ANKRD24: variants seen among roughly 807,000 people sequenced by gnomAD.
ANKRD24 encodes ankyrin repeat domain 24.
A neutral mutation model predicts 127.8 loss-of-function variants in ANKRD24; 109 were observed. The observed-to-expected ratio is 0.85, with a 90% CI of 0.73 to 1.00. ANKRD24 has a LOEUF of 1.00. Among genes scored for constraint, ANKRD24 ranks in the 50% least tolerant of loss-of-function variants. ANKRD24 has a pLI of 0.00. For missense variants in ANKRD24, 1,648 were observed against 1,570.2 expected (o/e 1.05, Z -0.84); for synonymous variants, 743 against 671.1 (o/e 1.11, Z -1.66).
rs1970638938 is a variant in ANKRD24 at position 4,224,577 on chromosome 19, G to A, written c.*72G>A. On this transcript the variant is annotated 3_prime_UTR_variant, in exon 22 of 22. Coordinates refer to ENST00000318934, the MANE Select transcript of ANKRD24 (RefSeq NM_001393985.1). Reference sequence around the variant, plus strand: ...CTCACCCCCCTGCAGGCCCCTTGCAGACCGGCTTCACTTGGCTTCACTTGG... The same window carrying A: ...CTCACCCCCCTGCAGGCCCCTTGCAAACCGGCTTCACTTGGCTTCACTTGG... The A allele has an allele frequency of 7.7e-5, 111 of 1,439,742 alleles. 1 individual carries two copies. The South Asian group carries it at 1.3e-3, about 17-fold the overall frequency. 89.2% of individuals were successfully genotyped at this position (1,439,742 alleles called of 1,614,324 possible).
In ANKRD24 at chr19:4,216,942, C is replaced by T. The variant is rs376986562; in HGVS notation, c.1782C>T (p.Ala594=). 46 of 1,611,372 alleles carry T rather than the reference C, an allele frequency of 2.9e-5. No individual in the cohort carries two copies. The highest frequency in any genetic ancestry group is 4.0e-5 in the African/African-American group (3 of 74,758). Residue 594 remains alanine (A), a synonymous_variant, in exon 18 of 22, where the codon GCC becomes GCT. Transcript: ENST00000318934. ...CCACGGGAGCTGAGGCCACAGGAGC[C>T]AAGGTCACAGAAACAAAACCCACAG... ...AEATGAEATG[A]KVTETKPTGA...
At chr19:4,209,998 G>T in intron 11 of ANKRD24, 60 bp from the exon 12 acceptor site, 1 of 1,034,992 alleles carries the variant, frequency 9.7e-7, no homozygotes, top group South Asian at 1.4e-5. Flanking sequence ...GTTTACTGTG[G>T]GGGAGGCTGG....
At chr19:4,183,422 A>C in intron 1 of ANKRD24, 2 of 887,516 alleles carry the variant, frequency 2.3e-6, no homozygotes, top group Non-Finnish European at 2.7e-6. Context: ...ACTGGAGAGC[A>C]AAGGTGGTAC....
chr19:4,203,017 G>GACCCCGAAGCCCAGAGGGTGCTAGA, intron 7 of ANKRD24, 91 bp downstream of exon 7: 1 of 1,056,590 alleles, frequency 9.5e-7, no homozygotes, highest in Non-Finnish European at 1.3e-6. Context: ...GACCTGACCT[G>GACCCCGAAGCCCAGAGGGTGCTAGA]CTGTGAAGCT....
chr19:4,199,986 G>A lies in ANKRD24; in HGVS notation c.235G>A (p.Asp79Asn). Residue 79 changes from aspartate to asparagine, a missense_variant, in exon 4 of 22, where the codon GAC becomes AAC. By Grantham distance (23) the Asp-to-Asn change is conservative. Coordinates refer to ENST00000318934, the MANE Select transcript of ANKRD24 (RefSeq NM_001393985.1). The surrounding 1 kb of genome is among the most constrained non-coding windows in gnomAD (Gnocchi z 5.2). The part of the protein sequence containing the change: ...ARKGLVPTKL[D>N]PEGKSAFHLA... ...CAAGGGGCTGGTGCCCACGAAGCTA[G>A]ACCCCGAGGGCAAGTCCGCGTGAGT... 1 of 1,564,868 alleles carries A rather than the reference G, an allele frequency of 6.4e-7. No individual in the cohort carries two copies. Among genetic ancestry groups the A allele is most frequent in the Non-Finnish European group, 8.7e-7 (1 of 1,154,514 alleles).
intron 17 of ANKRD24, 59 bp downstream of exon 17, chr19:4,216,461 G>C: frequency 1.3e-6 from 2 of 1,555,478 alleles, no homozygotes; most frequent in Non-Finnish European, 8.7e-7. Flanking sequence ...CCTGAGGTCA[G>C]GGTGGGCAGG....
In ANKRD24 at chr19:4,216,984, A is replaced by C. The variant is rs771121795; in HGVS notation, c.1824A>C (p.Glu608Asp). The change falls in exon 18 of 22, where the codon GAA becomes GAC. Residue 608 changes from glutamate (E) to aspartate (D), a missense_variant. Transcript: ENST00000318934. ...AACCCACAGGGGCTGAGGTCAGAGA[A>C]ATGGAGACCACAGAAGAAGAAGCAA... Reference protein sequence around the residue: ...ETKPTGAEVREMETTEEEANM... With the variant: ...ETKPTGAEVRDMETTEEEANM... The C allele has an allele frequency of 1.6e-5, 26 of 1,613,170 alleles. No individual in the cohort carries two copies. In the Admixed American group the frequency reaches 2.3e-4, roughly 15 times the overall value.
intron 13 of ANKRD24, among the ~76,000 whole-genome samples, chr19:4,210,887 GC>G (rs1241962795): frequency 2.6e-5 from 4 of 151,400 alleles, no homozygotes; most frequent in African/African-American, 9.7e-5. Flanking sequence ...AGGCTAGAAT[GC>G]AATGGTACGA....
intron 1 of ANKRD24, among the ~76,000 whole-genome samples, chr19:4,184,422 G>A (rs147938390): frequency 1.7e-3 from 252 of 152,300 alleles, no homozygotes; most frequent in African/African-American, 5.9e-3. Flanking sequence ...GCCAGGCTGC[G>A]GAGCTACCCA....
rs762399811 is a variant in ANKRD24, at chr19:4,207,454, C to T, written c.538-47C>T. Reference sequence around the variant, plus strand: ...CAGTTATATAGGCTTCTGCACCTCCCGGGGGTCAGTTTCTCATGCCATCGC... The same window carrying T: ...CAGTTATATAGGCTTCTGCACCTCCTGGGGGTCAGTTTCTCATGCCATCGC... On this transcript the variant is annotated intron_variant, in intron 8 of 21. Transcript: ENST00000318934. 1.3e-5 allele frequency: 21 copies of T among 1,593,478 alleles called. 1 individual carries two copies. In the South Asian group the frequency reaches 1.3e-4, roughly 10 times the overall value.
intron 15 of ANKRD24, among the ~76,000 whole-genome samples, chr19:4,213,227 TTCCTTCCC>T (rs1421038978): frequency 9.6e-5 from 9 of 94,098 alleles, no homozygotes; most frequent in African/African-American, 3.8e-4. Context: ...TTCTCCTTCC[TTCCTTCCC>T]TCCCTCCTTC....
In ANKRD24 at chr19:4,217,414, G is replaced by A; in HGVS notation, c.2254G>A (p.Gly752Arg). Reference protein sequence around the residue: ...EAAAELEAALGKCEAAEAEAG... With the variant: ...EAAAELEAALRKCEAAEAEAG... ...AGCTGCGGAGCTGGAGGCGGCCCTG[G>A]GGAAGTGCGAGGCCGCGGAGGCCGA... Residue 752 changes from glycine to arginine, a missense_variant, in exon 18 of 22, where the codon GGG (glycine) becomes AGG (arginine). Transcript: ENST00000318934. 2 of 1,548,800 alleles carry A rather than the reference G, an allele frequency of 1.3e-6. No individual in the cohort carries two copies. The highest frequency in any genetic ancestry group is 1.7e-6 in the Non-Finnish European group (2 of 1,146,476).
Position 4,200,004 on chromosome 19 carries a change from G to T in ANKRD24, c.253G>T (p.Ala85Ser). 1 of 1,563,918 alleles carries T rather than the reference G, an allele frequency of 6.4e-7. No individual in the cohort carries two copies. The highest frequency in any genetic ancestry group is 8.7e-7 in the Non-Finnish European group (1 of 1,152,956). Reference protein sequence around the residue: ...PTKLDPEGKSAFHLAAMRGAA... With the variant: ...PTKLDPEGKSSFHLAAMRGAA... The stretch of plus-strand genomic sequence containing the variant: ...GAAGCTAGACCCCGAGGGCAAGTCC[G>T]CGTGAGTGCCCGCGACCCGGGAGTG... Residue 85 changes from alanine to serine, a missense_variant and splice_region_variant, in exon 4 of 22, where the codon GCG becomes TCG. By Grantham distance (99) the Ala-to-Ser change is moderately conservative (BLOSUM62 1). Transcript: ENST00000318934.
At chr19:4,209,966 A>G (rs1018334027) in intron 11 of ANKRD24, 92 bp from the exon 12 acceptor site, 4 of 717,550 alleles carry the variant, frequency 5.6e-6, no homozygotes, top group Non-Finnish European at 9.6e-6. Flanking sequence ...AAGTCAGGCC[A>G]TGGCTGGGGC....
rs766022049 is a variant in ANKRD24 at position 4,217,014 on chromosome 19, G to A, written c.1854G>A (p.Met618Ile). Residue 618 changes from methionine (M) to isoleucine (I), a missense_variant, in exon 18 of 22, where the codon ATG (methionine) becomes ATA (isoleucine). Transcript: ENST00000318934. ...AGACCACAGAAGAAGAAGCAAACAT[G>A]GAAACTAAGCCCACAGGAGCTCAGG... ...EMETTEEEAN[M>I]ETKPTGAQAT... 5 of 1,613,778 alleles carry A rather than the reference G, an allele frequency of 3.1e-6. No homozygotes were observed. Among genetic ancestry groups the A allele is most frequent in the East Asian group, 2.2e-5 (1 of 44,882 alleles).
chr19:4,217,120 G>C lies in ANKRD24; in HGVS notation c.1960G>C (p.Ala654Pro). The stretch of plus-strand genomic sequence containing the variant: ...AAAAGCAGAGGAAGCAGAAATGCAG[G>C]CCTACGGAGTGGGTGCTGGGCAAGC... ...KTKAEEAEMQ[A>P]YGVGAGQAEP... is the part of the protein sequence containing the mutation. The change falls in exon 18 of 22, where the codon GCC (alanine) becomes CCC (proline). Residue 654 changes from alanine to proline, a missense_variant. Coordinates refer to ENST00000318934, the MANE Select transcript of ANKRD24 (RefSeq NM_001393985.1). 6.2e-7 allele frequency: 1 copy of C among 1,613,832 alleles called. No individual in the cohort carries two copies. Among genetic ancestry groups the C allele is most frequent in the Middle Eastern group, 1.6e-4 (1 of 6,062 alleles).
chr19:4,199,546 G>A lies in ANKRD24; in HGVS notation c.37-137G>A. On this transcript the variant is annotated intron_variant, in intron 2 of 21. Transcript: ENST00000318934. The surrounding 1 kb of genome is among the most constrained non-coding windows in gnomAD (Gnocchi z 5.2). ...ACGTTTTGGAAATAGATGCCAGGGG[G>A]CTGCTCAGGGGATGATGCTGGTGGT... 1 of 1,423,728 alleles carries A rather than the reference G, an allele frequency of 7.0e-7. No individual in the cohort carries two copies. The allele number at this position is 1,423,728 out of a possible 1,614,324, so 88.2% of individuals were successfully genotyped here.
At chr19:4,215,834 A>T (rs1970031449) in intron 15 of ANKRD24, 144 bp from the exon 16 acceptor site, 1 of 654,210 alleles carries the variant, frequency 1.5e-6, no homozygotes. Context: ...GTGCTCACTA[A>T]ATCCTTGTGG....
intron 1 of ANKRD24, chr19:4,183,324 G>A: frequency 1.0e-6 from 1 of 986,406 alleles, no homozygotes; most frequent in Non-Finnish European, 1.2e-6. Context: ...CATTCTGCAG[G>A]ACAGGTCCTG....
Sources: gnomAD v4.1 joint callset for allele counts (sites outside exome capture counted in the v4.1 genomes callset) on GRCh38, gnomAD v4.1.1 for gene constraint, Gnocchi (gnomAD v3.1) non-coding constraint, MANE v1.5 for transcripts, NCBI Gene and HGNC (gene_info 2026-07-23, HGNC 2026-07-21) for gene names.